Variants in ARHGAP26 observed in about 807,000 individuals in gnomAD.
ARHGAP26 encodes rho GTPase-activating protein 26.
In ARHGAP26, 38 loss-of-function variants were observed where a neutral mutation model predicts 104.8. The observed-to-expected ratio is 0.36, with a 90% CI of 0.28 to 0.48. The LOEUF (loss-of-function observed/expected upper bound fraction) is 0.48. Among genes scored for constraint, ARHGAP26 ranks in the 20% least tolerant of loss-of-function variants. ARHGAP26 has a pLI of 0.99. For synonymous variants in ARHGAP26, 341 were observed against 340.0 expected (o/e 1.00, Z -0.03); for missense variants, 704 against 947.9 (o/e 0.74, Z 3.38).
chr5:142,965,279 G>A (rs1481371526), intron 11 of ARHGAP26, among the ~76,000 whole-genome samples: 1 of 152,214 alleles, frequency 6.6e-6, no homozygotes, highest in Admixed American at 6.5e-5. Context: ...AAGCCTGACT[G>A]ATGTCAGGCC....
chr5:142,958,735 C>T (rs1215707641), intron 11 of ARHGAP26, among the ~76,000 whole-genome samples: 1 of 151,744 alleles, frequency 6.6e-6, no homozygotes, highest in Non-Finnish European at 1.5e-5. Context: ...CCTTGAGATA[C>T]AGGTATGCTA....
Position 143,077,825 on chromosome 5 carries a change from T to C in ARHGAP26, c.1538+20078T>C, listed in dbSNP as rs180970069. Among the ~76,000 whole-genome samples the C allele has an allele frequency of 5.3e-5, 8 of 152,276 alleles. No homozygotes were observed. The East Asian group carries it at 1.2e-3, about 22-fold the overall frequency. ...TAGCTATTCGGACCACCTAGAGGGTTCGAAGGCCAAGAGTAGGGTGGGGCT... is the reference window on the plus strand; with the variant it reads ...TAGCTATTCGGACCACCTAGAGGGTCCGAAGGCCAAGAGTAGGGTGGGGCT... On this transcript the variant is annotated intron_variant, in intron 17 of 22. Transcript: ENST00000645722.
intron 3 of ARHGAP26, 49 bp from the exon 4 acceptor site, chr5:142,879,325 T>A: frequency 6.4e-7 from 1 of 1,556,780 alleles, no homozygotes; most frequent in Non-Finnish European, 8.9e-7. Context: ...AATTCTTTAC[T>A]GATACTGCTT....
intron 12 of ARHGAP26, among the ~76,000 whole-genome samples, chr5:143,027,338 A>AT (rs1028255073): frequency 2.7e-5 from 4 of 145,872 alleles, no homozygotes; most frequent in Non-Finnish European, 6.0e-5. Context: ...TGCCTAGCTA[A>AT]TTTTTTTTTC....
chr5:143,135,093 A>T (rs1360616408), intron 19 of ARHGAP26, among the ~76,000 whole-genome samples: 1 of 152,258 alleles, frequency 6.6e-6, no homozygotes, highest in Non-Finnish European at 1.5e-5. Context: ...GTGAGTCAGC[A>T]TCACAGCTGC....
At chr5:142,843,910 G>A (rs1771336952) in intron 1 of ARHGAP26, among the ~76,000 whole-genome samples, 8 of 152,130 alleles carry the variant, frequency 5.3e-5, no homozygotes, top group Admixed American at 5.2e-4. Context: ...TAGTTATGGG[G>A]TCTTGGGAAG....
chr5:142,845,087 G>A (rs1460843459), intron 1 of ARHGAP26, among the ~76,000 whole-genome samples: 1 of 152,232 alleles, frequency 6.6e-6, no homozygotes, highest in East Asian at 1.9e-4. Context: ...ACAAGCACCA[G>A]GAATATCCTG....
intron 21 of ARHGAP26, among the ~76,000 whole-genome samples, chr5:143,210,715 G>C (rs545626542): frequency 6.7e-4 from 102 of 152,320 alleles, no homozygotes; most frequent in African/African-American, 2.4e-3. Context: ...CCTCCCTGTA[G>C]TGCCATATGA....
intron 4 of ARHGAP26, among the ~76,000 whole-genome samples, chr5:142,881,348 A>G (rs1756973680): frequency 6.6e-6 from 1 of 152,200 alleles, no homozygotes; most frequent in Non-Finnish European, 1.5e-5. Flanking sequence ...AGGTGAGGCA[A>G]GAGTCTGAGT....
In ARHGAP26 at chr5:143,193,310, C is replaced by T. The variant is rs958513748; in HGVS notation, c.1989-13888C>T. Among the ~76,000 whole-genome samples, 50 of 141,346 alleles carry T rather than the reference C, an allele frequency of 3.5e-4. 1 individual carries two copies. Among genetic ancestry groups the T allele is most frequent in the Admixed American group, 2.8e-3 (38 of 13,400 alleles). 92.7% of individuals were successfully genotyped at this position (141,346 alleles called of 152,430 possible). A position where few individuals can be genotyped will look rare whatever the true frequency, so the allele number is the denominator to read the frequency against. ...TCACCCAGGCTGGAGTGCAGTGGCACGATCTCGGCTCACTGCAACCTCCGC... is the reference window on the plus strand; with the variant it reads ...TCACCCAGGCTGGAGTGCAGTGGCATGATCTCGGCTCACTGCAACCTCCGC... On this transcript the variant is annotated intron_variant, in intron 20 of 22. Transcript: ENST00000645722.
Position 142,891,686 on chromosome 5 carries a change from A to G in ARHGAP26, c.487-2552A>G, listed in dbSNP as rs1364107937. 2.0e-5 allele frequency among the ~76,000 whole-genome samples: 3 copies of G among 151,974 alleles called. No homozygotes were observed. In the East Asian group the frequency reaches 5.8e-4, roughly 29 times the overall value. ...GTTTCTTCTGTAGGAATGTTGACAAAGGAACACTGAAAGAAATATGCCTTT... is the reference window on the plus strand; with the variant it reads ...GTTTCTTCTGTAGGAATGTTGACAAGGGAACACTGAAAGAAATATGCCTTT... On this transcript the variant is annotated intron_variant, in intron 5 of 22. Transcript: ENST00000645722.
chr5:143,020,580 A>G (rs1001202938), intron 12 of ARHGAP26, among the ~76,000 whole-genome samples: 2 of 150,452 alleles, frequency 1.3e-5, no homozygotes, highest in Non-Finnish European at 3.0e-5. Flanking sequence ...TTTGCATCCA[A>G]GTCCTAGTCC....
intron 1 of ARHGAP26, among the ~76,000 whole-genome samples, chr5:142,857,386 T>C (rs1294458997): frequency 1.3e-5 from 2 of 152,106 alleles, no homozygotes; most frequent in Non-Finnish European, 2.9e-5. Flanking sequence ...GTGAGGCTGC[T>C]TGGGGGAGGG....
intron 1 of ARHGAP26, among the ~76,000 whole-genome samples, chr5:142,814,847 G>A (rs1178119229): frequency 1.3e-5 from 2 of 152,320 alleles, no homozygotes; most frequent in Non-Finnish European, 2.9e-5. Context: ...ATGAGATAAT[G>A]CGTTAGTGCC....
Position 143,223,565 on chromosome 5 carries a change from C to T in ARHGAP26, c.*1119C>T. On this transcript the variant is annotated 3_prime_UTR_variant, in exon 23 of 23. Coordinates refer to ENST00000645722, the MANE Select transcript of ARHGAP26 (RefSeq NM_001135608.3). ...TGCTCCCACCCTTGCCTGCCTCTAACCCACCACTGGCCAGCCCCCTTGCCC... is the reference window on the plus strand; with the variant it reads ...TGCTCCCACCCTTGCCTGCCTCTAATCCACCACTGGCCAGCCCCCTTGCCC... 4.3e-6 allele frequency: 1 copy of T among 232,372 alleles called. No individual in the cohort carries two copies. The highest frequency in any genetic ancestry group is 8.5e-6 in the Non-Finnish European group (1 of 117,206). 14.4% of individuals were successfully genotyped at this position (232,372 alleles called of 1,614,324 possible).
chr5:142,833,540 A>C (rs1768943961), intron 1 of ARHGAP26, among the ~76,000 whole-genome samples: 1 of 151,890 alleles, frequency 6.6e-6, no homozygotes, highest in Non-Finnish European at 1.5e-5. Context: ...ACATTTTTGT[A>C]TGTACTTTTT....
At chr5:143,107,325 G>A (rs1794164786) in intron 17 of ARHGAP26, among the ~76,000 whole-genome samples, 1 of 152,168 alleles carries the variant, frequency 6.6e-6, no homozygotes, top group Non-Finnish European at 1.5e-5. Context: ...CAAGGATCTG[G>A]TATTCATTAA....
chr5:143,111,776 A>AT lies in ARHGAP26; in HGVS notation c.1539-9205dup, dbSNP rs1284816174. 5.3e-5 allele frequency among the ~76,000 whole-genome samples: 8 copies of AT among 152,148 alleles called. No homozygotes were observed. In the South Asian group the frequency reaches 1.4e-3, roughly 28 times the overall value. ...GTAATAATTATTAGACCTCGTAAAT[A>AT]TTTTTTTGGCTGTTATACCTTCCAG... On this transcript the variant is annotated intron_variant, in intron 17 of 22. Coordinates refer to ENST00000645722, the MANE Select transcript of ARHGAP26 (RefSeq NM_001135608.3).
intron 14 of ARHGAP26, among the ~76,000 whole-genome samples, chr5:143,045,090 G>T (rs1025997135): frequency 6.6e-6 from 1 of 152,210 alleles, no homozygotes; most frequent in African/African-American, 2.4e-5. Context: ...CAAAAGAGTG[G>T]TTATGAAAGG....
Sources: allele counts gnomAD v4.1 joint callset (sites outside exome capture counted in the v4.1 genomes callset), GRCh38; gene constraint gnomAD v4.1.1; transcripts MANE v1.5; gene names NCBI Gene and HGNC (gene_info 2026-07-23, HGNC 2026-07-21).